The following CACNA2D1 variants were observed in gnomAD, a reference collection of about 807,000 sequenced individuals.
The protein encoded by CACNA2D1 is voltage-dependent calcium channel subunit alpha-2/delta-1.
Under a neutral mutation model 171.5 loss-of-function variants are expected in CACNA2D1, and 53 were observed. The ratio of observed to expected loss-of-function variants is 0.31; its 90% CI spans 0.25 to 0.39. The LOEUF (loss-of-function observed/expected upper bound fraction) is 0.39, where lower values mean the gene tolerates loss of function less well. Ranked by LOEUF, CACNA2D1 falls within the 10% of genes least tolerant of loss-of-function variation. The probability of loss-of-function intolerance (pLI) is 1.00; values close to 1 mark genes in which losing one functional copy is unlikely to be tolerated. For synonymous variants in CACNA2D1, 442 were observed against 443.1 expected, an observed-to-expected ratio of 1.00 and a Z score of 0.03; for missense variants, 903 against 1,299.8, an observed-to-expected ratio of 0.69 and a Z score of 4.69.
intron 3 of CACNA2D1, among the ~76,000 whole-genome samples, chr7:82,291,382 ATATC>A (rs1284615061): frequency 4.6e-4 from 63 of 136,378 alleles, no homozygotes; most frequent in Non-Finnish European, 6.5e-4. Context: ...TTATACATCT[ATATC>A]TATCTACATC....
At chr7:82,139,478 C>G in intron 4 of CACNA2D1, among the ~76,000 whole-genome samples, 1 of 152,100 alleles carries the variant, frequency 6.6e-6, no homozygotes, top group East Asian at 1.9e-4. Flanking sequence ...GTACTACATT[C>G]TACAAAATCT....
intron 1 of CACNA2D1, among the ~76,000 whole-genome samples, chr7:82,406,645 G>A (rs1372490271): frequency 6.6e-6 from 1 of 152,166 alleles, no homozygotes; most frequent in Non-Finnish European, 1.5e-5. Flanking sequence ...AATGGCCAGT[G>A]ATGATGAGCA....
intron 38 of CACNA2D1, among the ~76,000 whole-genome samples, chr7:81,957,644 G>GT (rs1233534874): frequency 6.6e-6 from 1 of 151,988 alleles, no homozygotes; most frequent in East Asian, 1.9e-4. Flanking sequence ...GGCAGTTAAC[G>GT]TGAGTCTCCA....
intron 4 of CACNA2D1, among the ~76,000 whole-genome samples, chr7:82,138,137 C>T (rs1178402418): frequency 1.3e-5 from 2 of 152,050 alleles, no homozygotes; most frequent in African/African-American, 4.8e-5. Context: ...GAGGAAAATA[C>T]ATTGTGTTTT....
At chr7:81,956,193 C>T (rs1215495250) in intron 38 of CACNA2D1, among the ~76,000 whole-genome samples, 1 of 151,238 alleles carries the variant, frequency 6.6e-6, no homozygotes, top group African/African-American at 2.4e-5. Context: ...AGGCTGGTCT[C>T]GAACTCCTGA....
At chr7:82,313,607 A>G (rs2282943) in intron 3 of CACNA2D1, among the ~76,000 whole-genome samples, 67,404 of 152,068 alleles carry the variant, frequency 0.44, 17,074 homozygotes, top group African/African-American at 0.7. Flanking sequence ...TACTCCTTCC[A>G]TAACCTCAAC....
intron 1 of CACNA2D1, among the ~76,000 whole-genome samples, chr7:82,439,338 T>G (rs2129459795): frequency 6.6e-6 from 1 of 152,096 alleles, no homozygotes; most frequent in African/African-American, 2.4e-5. Context: ...GTGTAAACCC[T>G]AGAAAGAAGA....
chr7:82,249,020 G>C (rs1274759244), intron 3 of CACNA2D1, among the ~76,000 whole-genome samples: 1 of 151,956 alleles, frequency 6.6e-6, no homozygotes, highest in Non-Finnish European at 1.5e-5. Context: ...AGGAGGCTGA[G>C]GCAGGAGAAT....
intron 6 of CACNA2D1, among the ~76,000 whole-genome samples, chr7:82,085,397 C>CT (rs1810332700): frequency 6.6e-6 from 1 of 151,978 alleles, no homozygotes; most frequent in Non-Finnish European, 1.5e-5. Flanking sequence ...AGTGGTATTC[C>CT]TTTTTATCCT....
At chr7:82,128,202 T>G (rs909643914) in intron 5 of CACNA2D1, among the ~76,000 whole-genome samples, 1 of 152,074 alleles carries the variant, frequency 6.6e-6, no homozygotes, top group Non-Finnish European at 1.5e-5. Flanking sequence ...AGTGCTGGGA[T>G]TACAGGTGTG....
intron 3 of CACNA2D1, among the ~76,000 whole-genome samples, chr7:82,314,215 C>T (rs1393648920): frequency 6.6e-6 from 1 of 152,014 alleles, no homozygotes; most frequent in East Asian, 1.9e-4. Flanking sequence ...TCTGTATTTG[C>T]TATACTGGCC....
intron 1 of CACNA2D1, among the ~76,000 whole-genome samples, chr7:82,424,297 A>G (rs1299175085): frequency 6.6e-6 from 1 of 152,222 alleles, no homozygotes; most frequent in African/African-American, 2.4e-5. Flanking sequence ...CCTACTTTTT[A>G]AAGGAAATTT....
intron 3 of CACNA2D1, among the ~76,000 whole-genome samples, chr7:82,197,372 G>T (rs1223693687): frequency 1.3e-5 from 2 of 151,930 alleles, no homozygotes; most frequent in African/African-American, 4.8e-5. Context: ...AAAATAAACT[G>T]ATTTTTCTAA....
intron 4 of CACNA2D1, among the ~76,000 whole-genome samples, chr7:82,148,677 C>T (rs775191700): frequency 6.6e-6 from 1 of 152,096 alleles, no homozygotes; most frequent in Non-Finnish European, 1.5e-5. Flanking sequence ...TTGCTATTGT[C>T]GACCAGCTGG....
At chr7:82,154,312 T>C (rs868253186) in intron 4 of CACNA2D1, among the ~76,000 whole-genome samples, 7 of 152,280 alleles carry the variant, frequency 4.6e-5, no homozygotes, top group African/African-American at 1.7e-4. Context: ...CTTCAAGAAG[T>C]ATGTGAGTTT....
At chr7:82,194,474 G>T (rs1798653941) in intron 3 of CACNA2D1, among the ~76,000 whole-genome samples, 1 of 151,876 alleles carries the variant, frequency 6.6e-6, no homozygotes, top group Admixed American at 6.6e-5. Context: ...CCAAGCAAGA[G>T]TTGAAGTAGT....
chr7:82,264,908 T>C (rs1402506727), intron 3 of CACNA2D1, among the ~76,000 whole-genome samples: 1 of 152,300 alleles, frequency 6.6e-6, no homozygotes, highest in Non-Finnish European at 1.5e-5. Context: ...TATCTCCCCA[T>C]TGTTTCCCAT....
At chr7:82,123,803 A>G (rs1790015501) in intron 5 of CACNA2D1, among the ~76,000 whole-genome samples, 1 of 152,224 alleles carries the variant, frequency 6.6e-6, no homozygotes, top group South Asian at 2.1e-4. Context: ...TAAATGATAC[A>G]TAAAGTTATA....
At chr7:81,967,310 G>C in intron 30 of CACNA2D1, 103 bp from the exon 31 acceptor site, 1 of 983,614 alleles carries the variant, frequency 1.0e-6, no homozygotes, top group Non-Finnish European at 1.6e-6. Context: ...TTATCCAGTA[G>C]AAAAATAAGA....
Sources: allele counts gnomAD v4.1 joint callset (sites outside exome capture counted in the v4.1 genomes callset), GRCh38; gene constraint gnomAD v4.1.1; transcripts MANE v1.5; gene names NCBI Gene and HGNC (gene_info 2026-07-23, HGNC 2026-07-21).